Variants in ETFA observed in about 807,000 individuals in gnomAD.
The protein encoded by ETFA is electron transfer flavoprotein subunit alpha, also known as electron transfer flavoprotein subunit alpha, mitochondrial.
Under a neutral mutation model 46.2 loss-of-function variants are expected in ETFA, and 22 were observed. The observed-to-expected ratio is 0.48, with a 90% CI of 0.34 to 0.68. The LOEUF is 0.68. ETFA is among the 30% of genes least tolerant of loss of function. The pLI, the probability that ETFA is intolerant of heterozygous loss-of-function variation, is 0.01. For synonymous variants in ETFA, 131 were observed against 139.9 expected, an observed-to-expected ratio of 0.94 and a Z score of 0.45; for missense variants, 345 against 401.1, an observed-to-expected ratio of 0.86 and a Z score of 1.19.
At position 76,292,677 on chromosome 15, in the gene ETFA, T is replaced by C. The variant is rs1274661227; in HGVS notation, c.210A>G (p.Val70=). Residue 70 remains valine (V), a synonymous_variant, in exon 3 of 12, where the codon GTA becomes GTG. Transcript: ENST00000557943. ...CDKVAQDLCK[V]AGIAKVLVAQ... The stretch of plus-strand genomic sequence containing the variant: ...CCACCAGAACTTTTGCTATGCCTGC[T>C]ACTTTACAGAGATCTTGTGCCACCT... The C allele has an allele frequency of 6.2e-7, 1 of 1,613,080 alleles. No individual in the cohort carries two copies. The highest frequency in any genetic ancestry group is 1.7e-5 in the Admixed American group (1 of 60,026).
intron 1 of ETFA, among the ~76,000 whole-genome samples, chr15:76,303,497 A>G (rs1387176194): frequency 6.7e-6 from 1 of 148,950 alleles, no homozygotes; most frequent in Non-Finnish European, 1.5e-5. Context: ...GCTTCTGCAC[A>G]GCAAAATAAA....
chr15:76,291,847 G>A (rs567287497), intron 4 of ETFA, among the ~76,000 whole-genome samples: 57 of 152,040 alleles, frequency 3.7e-4, no homozygotes, highest in African/African-American at 1.3e-3. Context: ...CACAGAGAGA[G>A]AGCAAGAAAA....
intron 1 of ETFA, among the ~76,000 whole-genome samples, chr15:76,302,254 A>C (rs74805465): frequency 0.064 from 9,701 of 152,256 alleles, 423 homozygotes; most frequent in Non-Finnish European, 0.091. Flanking sequence ...TTTATTCATA[A>C]CTGCCAAAAC....
intron 11 of ETFA, chr15:76,217,565 TA>T (rs1322952866): frequency 2.2e-6 from 1 of 448,948 alleles, no homozygotes; most frequent in East Asian, 7.1e-5. Context: ...GCTCCCATTT[TA>T]AAAAGGATTA....
intron 10 of ETFA, chr15:76,226,299 T>G (rs62030232): frequency 0.3 from 68,393 of 229,950 alleles, 11,108 homozygotes; most frequent in East Asian, 0.56. Context: ...ATTATTATTC[T>G]GGAGGACAGG....
At chr15:76,290,391 C>G (rs2039749751) in intron 4 of ETFA, among the ~76,000 whole-genome samples, 1 of 139,112 alleles carries the variant, frequency 7.2e-6, no homozygotes, top group South Asian at 2.2e-4. Context: ...GGAGCACAGG[C>G]TGGAGTGCAG....
At chr15:76,263,726 T>C (rs939193554) in intron 9 of ETFA, among the ~76,000 whole-genome samples, 4 of 152,130 alleles carry the variant, frequency 2.6e-5, no homozygotes, top group Non-Finnish European at 5.9e-5. Context: ...CTAATAAAGG[T>C]AGCTCCTGAG....
In ETFA at chr15:76,286,379, G is replaced by C. The variant is rs1187782601; in HGVS notation, c.554C>G (p.Ser185Ter). The C allele has an allele frequency of 6.2e-7, 1 of 1,604,180 alleles. No individual in the cohort carries two copies. Among genetic ancestry groups the C allele is most frequent in the African/African-American group, 1.3e-5 (1 of 74,760 alleles). ...AAATSGGSASSEKASSTSPVE... is the reference protein window; with the variant it reads ...AAATSGGSAS ...TCCAAATGAACACTCACCCTTTTCT[G>C]AACTGGCACTACCGCCACTTGTTGC... Residue 185 changes from serine (S) to a stop codon, truncating the protein, a stop_gained, in exon 6 of 12, where the codon TCA (serine) becomes TGA (stop). Coordinates refer to ENST00000557943, the MANE Select transcript of ETFA (RefSeq NM_000126.4). LOFTEE classifies it high-confidence loss of function.
At chr15:76,296,162 A>G (rs1437717640) in intron 1 of ETFA, among the ~76,000 whole-genome samples, 1 of 151,766 alleles carries the variant, frequency 6.6e-6, no homozygotes, top group East Asian at 1.9e-4. Context: ...GTTAGCCAGG[A>G]TGGTCTCCAT....
chr15:76,283,623 A>G (rs1200085455), intron 8 of ETFA, 134 bp downstream of exon 8: 5 of 701,298 alleles, frequency 7.1e-6, no homozygotes, highest in Non-Finnish European at 1.2e-5. Flanking sequence ...AAACTGGTTC[A>G]GAGAGAAAAA....
intron 9 of ETFA, among the ~76,000 whole-genome samples, chr15:76,265,473 A>G (rs1203936333): frequency 6.6e-6 from 1 of 152,236 alleles, no homozygotes; most frequent in Non-Finnish European, 1.5e-5. Context: ...CTATTTGTAT[A>G]GTAACTATTC....
intron 10 of ETFA, chr15:76,227,791 GCTACAGGATATCCAACAT>G: frequency 2.2e-6 from 1 of 455,994 alleles, no homozygotes; most frequent in Non-Finnish European, 4.4e-6. Flanking sequence ...TAAAATACAG[GCTACAGGATATCCAACAT>G]CTGTGTATTT....
chr15:76,246,199 A>C (rs750224116), intron 9 of ETFA, among the ~76,000 whole-genome samples: 1 of 152,228 alleles, frequency 6.6e-6, no homozygotes, highest in Non-Finnish European at 1.5e-5. Context: ...TTAATCTTTA[A>C]TACTACAGTA....
At chr15:76,293,497 C>T (rs2039787564) in intron 2 of ETFA, among the ~76,000 whole-genome samples, 1 of 152,106 alleles carries the variant, frequency 6.6e-6, no homozygotes, top group South Asian at 2.1e-4. Context: ...CTTCATTTTT[C>T]CTGTTTGGAA....
intron 9 of ETFA, chr15:76,259,559 C>A: frequency 9.5e-7 from 1 of 1,054,476 alleles, no homozygotes; most frequent in South Asian, 1.3e-5. Context: ...ACATGGTCAC[C>A]CCGAAGGCCC....
intron 1 of ETFA, among the ~76,000 whole-genome samples, chr15:76,296,500 G>A (rs2039824849): frequency 2.6e-5 from 4 of 152,054 alleles, no homozygotes; most frequent in Non-Finnish European, 5.9e-5. Context: ...ACAAATAATG[G>A]GTTTGAAATC....
intron 9 of ETFA, among the ~76,000 whole-genome samples, chr15:76,266,147 C>G (rs564116057): frequency 2.0e-5 from 3 of 152,196 alleles, no homozygotes; most frequent in Non-Finnish European, 4.4e-5. Context: ...GTAATTCAAC[C>G]GATGGGCAAG....
chr15:76,275,236 C>T (rs537548973), intron 8 of ETFA, among the ~76,000 whole-genome samples: 72 of 152,258 alleles, frequency 4.7e-4, no homozygotes, highest in African/African-American at 1.7e-3. Flanking sequence ...TCCCATATTC[C>T]TAACCCTTAC....
At chr15:76,297,569 C>T (rs1034372828) in intron 1 of ETFA, among the ~76,000 whole-genome samples, 3 of 151,890 alleles carry the variant, frequency 2.0e-5, no homozygotes, top group Non-Finnish European at 4.4e-5. Flanking sequence ...GATTTGGTGG[C>T]AGAAGGCCCA....
Sources: gnomAD v4.1 joint callset for allele counts (sites outside exome capture counted in the v4.1 genomes callset) on GRCh38, gnomAD v4.1.1 for gene constraint, MANE v1.5 for transcripts, NCBI Gene and HGNC (gene_info 2026-07-23, HGNC 2026-07-21) for gene names.